DLC1: variants seen among roughly 807,000 people sequenced by gnomAD.
DLC1 encodes rho GTPase-activating protein 7.
Under a neutral mutation model 140.3 loss-of-function variants are expected in DLC1, and 54 were observed. That is an observed-to-expected ratio of 0.38 (90% CI 0.31 to 0.48). The LOEUF (loss-of-function observed/expected upper bound fraction) is 0.48, where lower values mean the gene tolerates loss of function less well. DLC1 is among the 20% of genes least tolerant of loss of function. DLC1 has a pLI of 0.96. For synonymous variants in DLC1, 986 were observed against 728.1 expected, an observed-to-expected ratio of 1.35 and a Z score of -5.70; for missense variants, 2,536 against 1,907.0, an observed-to-expected ratio of 1.33 and a Z score of -6.14.
At chr8:13,316,769 C>T (rs1302329394) in intron 4 of DLC1, among the ~76,000 whole-genome samples, 4 of 152,140 alleles carry the variant, frequency 2.6e-5, no homozygotes, top group Non-Finnish European at 5.9e-5. Context: ...TCATTTGGGC[C>T]TTGGGTGATC....
chr8:13,541,670 C>G (rs908319983), intron 1 of DLC1, among the ~76,000 whole-genome samples: 1 of 152,174 alleles, frequency 6.6e-6, no homozygotes, highest in Non-Finnish European at 1.5e-5. Context: ...CAGCCTCAGC[C>G]TCCCGAGTAG....
At chr8:13,169,153 G>C (rs903781208) in intron 5 of DLC1, among the ~76,000 whole-genome samples, 1 of 152,170 alleles carries the variant, frequency 6.6e-6, no homozygotes, top group South Asian at 2.1e-4. Flanking sequence ...TGTAGCTCAA[G>C]GTTAGAACTT....
rs188375950 is a variant in DLC1 at position 13,141,053 on chromosome 8, G to A, written c.1349-25396C>T. On this transcript the variant is annotated intron_variant, in intron 5 of 17. Coordinates refer to ENST00000276297, the MANE Select transcript of DLC1 (RefSeq NM_182643.3). ...GTGGATCACGTGGGGTCGGGAGTTC[G>A]AGACCAGCCTGACCAACATGGAGGA... Among the ~76,000 whole-genome samples the A allele has an allele frequency of 6.2e-5, 9 of 144,584 alleles. No homozygotes were observed. In the East Asian group the frequency reaches 6.3e-4, roughly 10 times the overall value. 94.9% of individuals were successfully genotyped at this position (144,584 alleles called of 152,430 possible).
chr8:13,237,366 A>G (rs1459214630), intron 5 of DLC1, among the ~76,000 whole-genome samples: 1 of 151,086 alleles, frequency 6.6e-6, no homozygotes, highest in East Asian at 1.9e-4. Context: ...ATATACACAC[A>G]CCACACACAC....
intron 2 of DLC1, among the ~76,000 whole-genome samples, chr8:13,495,479 C>G (rs1035789564): frequency 6.6e-6 from 1 of 152,186 alleles, no homozygotes; most frequent in African/African-American, 2.4e-5. Flanking sequence ...CATTCACTAA[C>G]ATTTGCTCAC....
intron 10 of DLC1, among the ~76,000 whole-genome samples, chr8:13,096,622 C>G (rs1335238676): frequency 2.0e-5 from 3 of 151,998 alleles, no homozygotes; most frequent in African/African-American, 4.8e-5. Context: ...CCGGTCAATA[C>G]TTATTTCTGT....
rs568234550 is a variant in DLC1, at chr8:13,299,714, G to T, written c.1348+5555C>A. 7.2e-5 allele frequency among the ~76,000 whole-genome samples: 11 copies of T among 152,226 alleles called. No individual in the cohort carries two copies. In the East Asian group the frequency reaches 1.2e-3, roughly 16 times the overall value. On this transcript the variant is annotated intron_variant, in intron 5 of 17. Transcript: ENST00000276297. Reference sequence around the variant, plus strand: ...GGCTCCTTGCGGGAAACAAATGCACGTTAGGCACATTGAGGGGAGTTTAAT... The same window carrying T: ...GGCTCCTTGCGGGAAACAAATGCACTTTAGGCACATTGAGGGGAGTTTAAT...
chr8:13,426,469 CCTT>C (rs1838587470), intron 2 of DLC1, among the ~76,000 whole-genome samples: 1 of 152,098 alleles, frequency 6.6e-6, no homozygotes, highest in Non-Finnish European at 1.5e-5. Flanking sequence ...TTAATAAATA[CCTT>C]CTTTTTATCT....
intron 1 of DLC1, among the ~76,000 whole-genome samples, chr8:13,505,568 C>G (rs1162511675): frequency 1.3e-5 from 2 of 152,172 alleles, no homozygotes; most frequent in Non-Finnish European, 2.9e-5. Flanking sequence ...GACTGCAGTT[C>G]TTCTGCAATA....
intron 2 of DLC1, among the ~76,000 whole-genome samples, chr8:13,496,332 G>A (rs539239892): frequency 1.3e-5 from 2 of 152,204 alleles, no homozygotes; most frequent in African/African-American, 4.8e-5. Flanking sequence ...TGCAGAAAAT[G>A]CCTCAGCTTA....
intron 4 of DLC1, among the ~76,000 whole-genome samples, chr8:13,329,162 C>A (rs980600916): frequency 2.6e-5 from 4 of 152,206 alleles, no homozygotes; most frequent in African/African-American, 9.7e-5. Context: ...TGGCTCATCA[C>A]AGTCTAGATG....
At chr8:13,514,929 G>A (rs949925132), upstream of DLC1, 20 of 306,754 alleles carry the variant, frequency 6.5e-5, no homozygotes, top group Admixed American at 2.0e-4. Context: ...GAGTGTGCAT[G>A]CTAGAAAGGC....
intron 1 of DLC1, among the ~76,000 whole-genome samples, chr8:13,595,263 T>G: frequency 6.6e-6 from 1 of 152,082 alleles, no homozygotes. Flanking sequence ...AGAAAGACAG[T>G]AGTGTTTCAG....
chr8:13,448,578 A>T (rs959183985), intron 2 of DLC1, among the ~76,000 whole-genome samples: 1 of 151,996 alleles, frequency 6.6e-6, no homozygotes, highest in Admixed American at 6.6e-5. Flanking sequence ...GGCCAGGCTG[A>T]TCTCAAACTC....
intron 5 of DLC1, among the ~76,000 whole-genome samples, chr8:13,212,292 C>G (rs1264676496): frequency 1.3e-5 from 2 of 152,106 alleles, no homozygotes; most frequent in East Asian, 3.9e-4. Context: ...CCTGATCTTC[C>G]CCTACACTAT....
rs775491332 is a variant in DLC1 at position 13,226,098 on chromosome 8, G to A, written c.1348+79171C>T. On this transcript the variant is annotated intron_variant, in intron 5 of 17. Transcript: ENST00000276297. Reference sequence around the variant, plus strand: ...TGGCTACTTTTTTTGATTTTTAGTGGAAATGAGATCTTGCTGTGTTGCCCA... The same window carrying A: ...TGGCTACTTTTTTTGATTTTTAGTGAAAATGAGATCTTGCTGTGTTGCCCA... Among the ~76,000 whole-genome samples the A allele has an allele frequency of 7.9e-5, 12 of 152,146 alleles. No individual in the cohort carries two copies. The South Asian group carries it at 1.2e-3, about 16-fold the overall frequency.
chr8:13,429,611 C>G (rs893983358), intron 2 of DLC1, among the ~76,000 whole-genome samples: 12 of 152,152 alleles, frequency 7.9e-5, no homozygotes, highest in African/African-American at 2.9e-4. Flanking sequence ...AAAGTTTTAT[C>G]CTATGTATCT....
chr8:13,520,149 T>G (rs1802718672), intron 1 of DLC1, among the ~76,000 whole-genome samples: 1 of 152,214 alleles, frequency 6.6e-6, no homozygotes, highest in Non-Finnish European at 1.5e-5. Context: ...TTATAAATCA[T>G]TCTACGATAA....
intron 1 of DLC1, among the ~76,000 whole-genome samples, chr8:13,601,198 T>C (rs1322893846): frequency 6.6e-6 from 1 of 151,798 alleles, no homozygotes; most frequent in East Asian, 1.9e-4. Flanking sequence ...TAAGGCTCAG[T>C]CAGCTCACCA....
Sources: gnomAD v4.1 joint callset for allele counts (sites outside exome capture counted in the v4.1 genomes callset) on GRCh38, gnomAD v4.1.1 for gene constraint, MANE v1.5 for transcripts, NCBI Gene and HGNC (gene_info 2026-07-23, HGNC 2026-07-21) for gene names.